The following LARP4B variants were observed in gnomAD, a reference collection of about 807,000 sequenced individuals.
The protein encoded by LARP4B is La ribonucleoprotein 4B.
In LARP4B, 12 loss-of-function variants were observed where a neutral mutation model predicts 89.8. That is an observed-to-expected ratio of 0.13 (90% CI 0.09 to 0.22). The LOEUF (loss-of-function observed/expected upper bound fraction) is 0.22, where lower values mean the gene tolerates loss of function less well. Among genes scored for constraint, LARP4B ranks in the 10% least tolerant of loss-of-function variants. The pLI is 1.00. For synonymous variants in LARP4B, 367 were observed against 363.3 expected (o/e 1.01, Z -0.12); for missense variants, 757 against 947.7 (o/e 0.80, Z 2.64).
At chr10:938,227 T>A in the LARP4B span, among the ~76,000 whole-genome samples, 1 of 147,156 alleles carries the variant, frequency 6.8e-6, no homozygotes, top group Non-Finnish European at 1.5e-5. Context: ...TAACCAAGGC[T>A]AAATTTCTTG....
chr10:955,316 T>C, the LARP4B span, among the ~76,000 whole-genome samples: 1 of 152,138 alleles, frequency 6.6e-6, no homozygotes, highest in Non-Finnish European at 1.5e-5. This position sits in a 1 kb window ranked among gnomAD's most constrained non-coding sequence, Gnocchi z 5.2. Flanking sequence ...CTGCAGCCCG[T>C]GGGGGGCCCA....
At chr10:807,667 C>A (rs1044626219), downstream of LARP4B, 1 of 152,500 alleles carries the variant, frequency 6.6e-6, no homozygotes, top group Non-Finnish European at 1.5e-5. Context: ...CCCTCCAGCT[C>A]CACCAGGGCA....
intron 1 of LARP4B, among the ~76,000 whole-genome samples, chr10:904,529 C>A (rs1460714805): frequency 6.6e-6 from 1 of 151,400 alleles, no homozygotes; most frequent in East Asian, 1.9e-4. Context: ...CCACTGCACT[C>A]CAGCCTGGGC....
Position 885,360 on chromosome 10 carries a change from T to C in LARP4B, c.81+281A>G, listed in dbSNP as rs550703164. Among the ~76,000 whole-genome samples the C allele has an allele frequency of 2.0e-5, 3 of 152,336 alleles. No homozygotes were observed. The East Asian group carries it at 5.8e-4, about 29-fold the overall frequency. ...AAAAAAAAAATACAGTTTTCCCTGT[T>C]TCTTTGGTTCTTCCTTTGTGGAGGC... is the stretch of plus-strand genomic sequence containing the variant. On this transcript the variant is annotated intron_variant, in intron 2 of 17. Transcript: ENST00000316157.
At chr10:969,267 C>T in the LARP4B span, among the ~76,000 whole-genome samples, 31 of 152,186 alleles carry the variant, frequency 2.0e-4, no homozygotes, top group Middle Eastern at 3.4e-3. Flanking sequence ...ATTTACCTTC[C>T]CGGTTTGTTC....
chr10:936,143 C>T (rs1830746104), upstream of LARP4B, among the ~76,000 whole-genome samples: 1 of 152,126 alleles, frequency 6.6e-6, no homozygotes, highest in Non-Finnish European at 1.5e-5. Flanking sequence ...TTCCTTTGCC[C>T]ATTGATTAAA....
At chr10:988,270 C>T in the LARP4B span, 2 of 583,058 alleles carry the variant, frequency 3.4e-6, no homozygotes, top group Non-Finnish European at 6.2e-6. Flanking sequence ...TGTACCCTCG[C>T]TCCTGAGGCC....
chr10:986,919 G>A, the LARP4B span: 3 of 142,252 alleles, frequency 2.1e-5, no homozygotes, highest in East Asian at 2.1e-4. Flanking sequence ...CAGCCTGCGC[G>A]ACAGAGTGAG....
chr10:894,961 G>T (rs1215502003), intron 1 of LARP4B, among the ~76,000 whole-genome samples: 1 of 152,178 alleles, frequency 6.6e-6, no homozygotes, highest in Non-Finnish European at 1.5e-5. Context: ...AAGGCGGGCG[G>T]ACTGCCTGAG....
chr10:920,558 G>A (rs984355144), intron 1 of LARP4B, among the ~76,000 whole-genome samples: 16 of 152,300 alleles, frequency 1.1e-4, no homozygotes, highest in Admixed American at 1.0e-3. Flanking sequence ...CAGATCACTT[G>A]AGGCCAGGAG....
At chr10:828,435 G>A (rs1263412332) in intron 11 of LARP4B, among the ~76,000 whole-genome samples, 1 of 152,026 alleles carries the variant, frequency 6.6e-6, no homozygotes, top group Non-Finnish European at 1.5e-5. Flanking sequence ...TTTACTTTCC[G>A]TGTATACAGG....
At chr10:820,777 A>G in intron 14 of LARP4B, 23 bp downstream of exon 14, 1 of 1,589,444 alleles carries the variant, frequency 6.3e-7, no homozygotes, top group Non-Finnish European at 8.6e-7. Flanking sequence ...TCTTGTGAAG[A>G]GGTATATGCT....
intron 1 of LARP4B, among the ~76,000 whole-genome samples, chr10:901,688 A>G (rs1056219364): frequency 6.6e-6 from 1 of 152,238 alleles, no homozygotes; most frequent in Non-Finnish European, 1.5e-5. Flanking sequence ...ATCTCAGTAG[A>G]GTAGTTGTTT....
At chr10:829,288 C>T in intron 11 of LARP4B, 97 bp downstream of exon 11, 11 of 1,014,340 alleles carry the variant, frequency 1.1e-5, no homozygotes, top group Non-Finnish European at 1.6e-5. Flanking sequence ...TGTCAGACTG[C>T]ACACATATCT....
chr10:955,808 G>A, the LARP4B span, among the ~76,000 whole-genome samples: 1 of 151,974 alleles, frequency 6.6e-6, no homozygotes, highest in Non-Finnish European at 1.5e-5. The surrounding 1 kb of genome is among the most constrained non-coding windows in gnomAD (Gnocchi z 5.2). Flanking sequence ...AAAAAAAAAA[G>A]AACTCTAATC....
chr10:920,680 G>C (rs530667424), intron 1 of LARP4B, among the ~76,000 whole-genome samples: 1 of 152,096 alleles, frequency 6.6e-6, no homozygotes, highest in Non-Finnish European at 1.5e-5. Flanking sequence ...GTTGAAGCAC[G>C]AGAATCACTT....
At chr10:950,863 T>G in the LARP4B span, among the ~76,000 whole-genome samples, 29 of 152,228 alleles carry the variant, frequency 1.9e-4, no homozygotes, top group African/African-American at 6.5e-4. Context: ...ATGAACTCAC[T>G]TGTTAGTTGT....
chr10:872,134 A>G (rs1835237271), intron 3 of LARP4B, among the ~76,000 whole-genome samples: 1 of 152,214 alleles, frequency 6.6e-6, no homozygotes, highest in South Asian at 2.1e-4. Context: ...CATGTAGTGC[A>G]CTACTTTCTG....
intron 5 of LARP4B, among the ~76,000 whole-genome samples, chr10:862,431 C>T: frequency 6.6e-6 from 1 of 151,972 alleles, no homozygotes; most frequent in East Asian, 1.9e-4. Flanking sequence ...TCCCTGGTCA[C>T]TGGGATAACG....
Sources: gnomAD v4.1 joint callset for allele counts (sites outside exome capture counted in the v4.1 genomes callset) on GRCh38, gnomAD v4.1.1 for gene constraint, Gnocchi (gnomAD v3.1) non-coding constraint, MANE v1.5 for transcripts, NCBI Gene and HGNC (gene_info 2026-07-23, HGNC 2026-07-21) for gene names.